Variants in SCN11A observed in about 807,000 individuals in gnomAD.
SCN11A encodes the protein sodium channel protein type 11 subunit alpha.
In SCN11A, 122 loss-of-function variants were observed where a neutral mutation model predicts 162.2. That is an observed-to-expected ratio of 0.75 (90% confidence interval 0.65 to 0.87). The LOEUF (loss-of-function observed/expected upper bound fraction) is 0.87, where lower values mean the gene tolerates loss of function less well. Among genes scored for constraint, SCN11A ranks in the 40% least tolerant of loss-of-function variants. The pLI is 0.00. For synonymous variants in SCN11A, 758 were observed against 751.5 expected (o/e 1.01, Z -0.14); for missense variants, 2,015 against 2,181.6 (o/e 0.92, Z 1.52).
intron 21 of SCN11A, 42 bp from the exon 22 acceptor site, chr3:38,883,429 T>C: frequency 1.9e-6 from 3 of 1,572,470 alleles, no homozygotes; most frequent in Admixed American, 1.8e-5. Context: ...GTGTCTGTAA[T>C]AAACTGCATT....
At chr3:38,969,156 A>C (rs1233532131) in intron 2 of SCN11A, among the ~76,000 whole-genome samples, 1 of 152,234 alleles carries the variant, frequency 6.6e-6, no homozygotes, top group Non-Finnish European at 1.5e-5. Context: ...GCAGGCAGGC[A>C]TGCTGCCAGA....
intron 17 of SCN11A, among the ~76,000 whole-genome samples, chr3:38,898,422 CCTGTA>C (rs1234194667): frequency 6.6e-6 from 1 of 152,136 alleles, no homozygotes; most frequent in Non-Finnish European, 1.5e-5. Context: ...GACCACACAG[CCTGTA>C]AGGCTGAAAA....
intron 14 of SCN11A, among the ~76,000 whole-genome samples, chr3:38,907,306 ATATATGTGTG>A (rs1415969759): frequency 1.2e-4 from 6 of 49,016 alleles, no homozygotes; most frequent in African/African-American, 2.9e-4. Flanking sequence ...ATATACCAAC[ATATATGTGTG>A]TGTGTGTGTG....
At chr3:38,917,081 A>T (rs989826685) in intron 11 of SCN11A, among the ~76,000 whole-genome samples, 4 of 152,218 alleles carry the variant, frequency 2.6e-5, no homozygotes, top group African/African-American at 9.6e-5. Context: ...TACATCATTG[A>T]TCATTAGAGA....
intron 23 of SCN11A, among the ~76,000 whole-genome samples, chr3:38,875,566 C>G (rs1369444013): frequency 6.6e-6 from 1 of 152,024 alleles, no homozygotes; most frequent in African/African-American, 2.4e-5. Flanking sequence ...CAACAGTGAC[C>G]AAGCTGAGAA....
intron 3 of SCN11A, among the ~76,000 whole-genome samples, chr3:38,956,239 C>T (rs1032360764): frequency 4.7e-5 from 7 of 150,504 alleles, no homozygotes; most frequent in African/African-American, 7.3e-5. Flanking sequence ...AGGGAGACTC[C>T]GTCTCAAAAA....
chr3:38,856,713 G>C (rs1443820280), intron 28 of SCN11A, among the ~76,000 whole-genome samples: 1 of 151,550 alleles, frequency 6.6e-6, no homozygotes, highest in Non-Finnish European at 1.5e-5. Flanking sequence ...TAAAACACTG[G>C]GAAAAAATAA....
intron 2 of SCN11A, among the ~76,000 whole-genome samples, chr3:38,970,235 G>A (rs993920871): frequency 6.6e-6 from 1 of 152,016 alleles, no homozygotes; most frequent in Non-Finnish European, 1.5e-5. Context: ...TCAATTTCCT[G>A]CCATCTTTCC....
At chr3:39,002,049 A>G (rs1330020664) in intron 2 of SCN11A, among the ~76,000 whole-genome samples, 1 of 151,962 alleles carries the variant, frequency 6.6e-6, no homozygotes, top group Admixed American at 6.6e-5. Flanking sequence ...AAAAAAAACA[A>G]AAAAAAACTA....
At chr3:38,970,149 T>G (rs1279961318) in intron 2 of SCN11A, among the ~76,000 whole-genome samples, 1 of 152,228 alleles carries the variant, frequency 6.6e-6, no homozygotes, top group Admixed American at 6.5e-5. Flanking sequence ...AGGGTTATAC[T>G]GCACAGCCCA....
intron 28 of SCN11A, among the ~76,000 whole-genome samples, chr3:38,858,832 C>T (rs532885886): frequency 6.6e-6 from 1 of 151,984 alleles, no homozygotes; most frequent in South Asian, 2.1e-4. Context: ...CCTCTCAGAC[C>T]ACAGTGGAAA....
intron 2 of SCN11A, among the ~76,000 whole-genome samples, chr3:38,964,953 G>C (rs192413356): frequency 1.1e-4 from 16 of 152,368 alleles, no homozygotes; most frequent in Admixed American, 9.8e-4. Context: ...CAAATAAGCA[G>C]ATGTCAATGG....
At chr3:39,045,895 A>G (rs1327524365) in intron 1 of SCN11A, among the ~76,000 whole-genome samples, 5 of 152,210 alleles carry the variant, frequency 3.3e-5, no homozygotes, top group African/African-American at 1.2e-4. Context: ...TAGAAAACTT[A>G]AAGACTTCAT....
chr3:39,030,514 G>A (rs529821642), intron 2 of SCN11A, among the ~76,000 whole-genome samples: 1 of 152,318 alleles, frequency 6.6e-6, no homozygotes, highest in African/African-American at 2.4e-5. Flanking sequence ...TGACTTTATG[G>A]TATATTAGAG....
chr3:38,968,304 GT>G (rs1254170604), intron 2 of SCN11A, among the ~76,000 whole-genome samples: 13 of 152,234 alleles, frequency 8.5e-5, no homozygotes, highest in Admixed American at 3.9e-4. Context: ...AAGGGACTGA[GT>G]GGCCCCACCT....
chr3:38,871,678 G>T lies in SCN11A; in HGVS notation c.3526C>A (p.Pro1176Thr), dbSNP rs2065128737. ...VVVNALIGAI[P>T]AILNVLLVCL... is the part of the protein sequence containing the mutation. ...ACAAGCAAAACATTCAGAATGGCAG[G>T]TATGGCACCTATGAGAGCATTGACC... Residue 1176 changes from proline to threonine, a missense_variant, in exon 25 of 30, where the codon CCT (proline) becomes ACT (threonine). Physicochemically the swap from Pro to Thr is conservative, Grantham distance 38. Transcript: ENST00000302328. 6.2e-7 allele frequency: 1 copy of T among 1,610,918 alleles called. No individual in the cohort carries two copies. Among genetic ancestry groups the T allele is most frequent in the Non-Finnish European group, 8.5e-7 (1 of 1,178,648 alleles).
intron 5 of SCN11A, among the ~76,000 whole-genome samples, chr3:38,948,200 C>G (rs2066547349): frequency 6.6e-6 from 1 of 152,188 alleles, no homozygotes; most frequent in African/African-American, 2.4e-5. Context: ...TGCGCCTTTC[C>G]TTTGAACAGA....
At chr3:38,945,649 C>G in intron 6 of SCN11A, 137 bp from the exon 7 acceptor site, 1 of 536,754 alleles carries the variant, frequency 1.9e-6, no homozygotes, top group Non-Finnish European at 3.3e-6. Flanking sequence ...TGGATGAGAA[C>G]AACTCACAAC....
chr3:39,040,896 G>A (rs1372963875), intron 1 of SCN11A, among the ~76,000 whole-genome samples: 1 of 151,898 alleles, frequency 6.6e-6, no homozygotes, highest in Non-Finnish European at 1.5e-5. Context: ...GACTAACACG[G>A]TGAAACCCCA....
Sources: allele counts gnomAD v4.1 joint callset (sites outside exome capture counted in the v4.1 genomes callset), GRCh38; gene constraint gnomAD v4.1.1; transcripts MANE v1.5; gene names NCBI Gene and HGNC (gene_info 2026-07-23, HGNC 2026-07-21).